FAM227B: variants seen among roughly 807,000 people sequenced by gnomAD.
The protein encoded by FAM227B is protein FAM227B.
In FAM227B, 88 loss-of-function variants were observed where a neutral mutation model predicts 73.8. The observed-to-expected ratio is 1.19, with a 90% CI of 1.00 to 1.42. The LOEUF (loss-of-function observed/expected upper bound fraction) is 1.42. Ranked by LOEUF, FAM227B falls within the 40% of genes most tolerant of loss-of-function variation. The pLI is 0.00. For missense variants in FAM227B, 632 were observed against 590.9 expected (o/e 1.07, Z -0.72); for synonymous variants, 210 against 190.5 (o/e 1.10, Z -0.84).
intron 14 of FAM227B, chr15:49,334,386 T>G: frequency 1.3e-5 from 3 of 238,556 alleles, no homozygotes; most frequent in Non-Finnish European, 2.0e-5. Flanking sequence ...ATACACGTGT[T>G]AGTAAAAGCC....
At chr15:49,402,892 T>C (rs990611942) in intron 11 of FAM227B, among the ~76,000 whole-genome samples, 1 of 152,198 alleles carries the variant, frequency 6.6e-6, no homozygotes, top group African/African-American at 2.4e-5. Context: ...CTTTTGTCCA[T>C]TCAGTATGAT....
chr15:49,548,474 A>G (rs1184965289), intron 9 of FAM227B, among the ~76,000 whole-genome samples: 1 of 152,052 alleles, frequency 6.6e-6, no homozygotes, highest in Non-Finnish European at 1.5e-5. Flanking sequence ...ACTGGTCTGT[A>G]GTTTTCTTTT....
At chr15:49,615,414 C>T (rs181839400) in intron 1 of FAM227B, among the ~76,000 whole-genome samples, 171 bp from the exon 2 acceptor site, 8 of 152,224 alleles carry the variant, frequency 5.3e-5, no homozygotes, top group Admixed American at 5.2e-4. Flanking sequence ...GGAGGTGGGG[C>T]CTGGTGGGAG....
Position 49,351,971 on chromosome 15 carries a change from G to A in FAM227B, c.1271+15477C>T, listed in dbSNP as rs372258060. On this transcript the variant is annotated intron_variant, in intron 13 of 15. Transcript: ENST00000299338. ...TATTATTACCTCTGTAGTTCTAGGTGTTGACTGAGCTCAGCTAGGCTGTTC... is the reference window on the plus strand; with the variant it reads ...TATTATTACCTCTGTAGTTCTAGGTATTGACTGAGCTCAGCTAGGCTGTTC... Among the ~76,000 whole-genome samples, 16 of 152,334 alleles carry A rather than the reference G, an allele frequency of 1.1e-4. No homozygotes were observed. In the South Asian group the frequency reaches 3.1e-3, roughly 30 times the overall value.
At chr15:49,392,289 G>C (rs1356022525) in intron 11 of FAM227B, among the ~76,000 whole-genome samples, 1 of 152,100 alleles carries the variant, frequency 6.6e-6, no homozygotes, top group Non-Finnish European at 1.5e-5. Flanking sequence ...GTACCTTGGA[G>C]AAGGATTGAG....
At chr15:49,481,394 C>T (rs34002493) in intron 11 of FAM227B, among the ~76,000 whole-genome samples, 38,593 of 152,040 alleles carry the variant, frequency 0.25, 5,756 homozygotes, top group Non-Finnish European at 0.35. Flanking sequence ...CATGTTATTT[C>T]CCTTTGTGCT....
intron 11 of FAM227B, among the ~76,000 whole-genome samples, chr15:49,432,868 A>G (rs2050740033): frequency 1.3e-5 from 2 of 151,656 alleles, no homozygotes. Context: ...ACAAGAAATG[A>G]TGCCCAACAG....
At chr15:49,380,398 G>A (rs1488930952) in intron 11 of FAM227B, among the ~76,000 whole-genome samples, 2 of 152,046 alleles carry the variant, frequency 1.3e-5, no homozygotes, top group Non-Finnish European at 2.9e-5. Context: ...GGTACCTAAG[G>A]TGAAGACAAA....
Position 49,572,112 on chromosome 15 carries a change from T to C in FAM227B, c.645+2899A>G, listed in dbSNP as rs530373905. Among the ~76,000 whole-genome samples the C allele has an allele frequency of 4.6e-5, 7 of 152,206 alleles. No individual in the cohort carries two copies. The South Asian group carries it at 1.2e-3, about 27-fold the overall frequency. The stretch of plus-strand genomic sequence containing the variant: ...GTATTTTACTTTTTGTTATTACTAT[T>C]GTAAACAGAATTGTTTTCTTGATTT... On this transcript the variant is annotated intron_variant, in intron 8 of 15. Coordinates refer to ENST00000299338, the MANE Select transcript of FAM227B (RefSeq NM_152647.3).
intron 11 of FAM227B, among the ~76,000 whole-genome samples, chr15:49,422,014 G>T (rs1282946352): frequency 6.6e-6 from 1 of 152,168 alleles, no homozygotes; most frequent in Non-Finnish European, 1.5e-5. Context: ...TAAAGGGACA[G>T]ATACAAAGAG....
In FAM227B at chr15:49,367,489, A is replaced by G. The variant is rs1380296844; in HGVS notation, c.1230T>C (p.Pro410=). ...TAGTGAGTTTAATCTTGGTTTTCTT[A>G]GGTGCTTTGGAAATACCAGCCAGCT... ...MHELAGISKA[P]KKTKIKLTKI... is the part of the protein sequence containing the mutation. The change falls in exon 13 of 16, where the codon CCT becomes CCC. Residue 410 remains proline, a synonymous_variant. Coordinates refer to ENST00000299338, the MANE Select transcript of FAM227B (RefSeq NM_152647.3). 27 of 1,602,454 alleles carry G rather than the reference A, an allele frequency of 1.7e-5. No individual in the cohort carries two copies. Among genetic ancestry groups the G allele is most frequent in the African/African-American group, 5.4e-5 (4 of 74,256 alleles).
intron 13 of FAM227B, among the ~76,000 whole-genome samples, chr15:49,347,214 G>A (rs190182725): frequency 2.0e-5 from 3 of 152,286 alleles, no homozygotes; most frequent in Admixed American, 1.3e-4. Context: ...AAAATTGCCA[G>A]GACTTGTATT....
chr15:49,585,026 C>A (rs966076935), intron 5 of FAM227B, among the ~76,000 whole-genome samples: 1 of 152,092 alleles, frequency 6.6e-6, no homozygotes, highest in African/African-American at 2.4e-5. Context: ...AAAAAGTGGG[C>A]GAAGGATATG....
intron 11 of FAM227B, among the ~76,000 whole-genome samples, chr15:49,500,501 A>C (rs939759488): frequency 1.3e-5 from 2 of 152,256 alleles, no homozygotes; most frequent in Non-Finnish European, 2.9e-5. Flanking sequence ...AAGCACATGA[A>C]AAGAAGCTCA....
chr15:49,355,945 TAAAG>T (rs950814745), intron 13 of FAM227B, among the ~76,000 whole-genome samples: 27 of 151,318 alleles, frequency 1.8e-4, no homozygotes, highest in African/African-American at 6.3e-4. Flanking sequence ...TCAACATTCT[TAAAG>T]AAAAGAATTT....
chr15:49,585,278 A>G lies in FAM227B; in HGVS notation c.405+2738T>C, dbSNP rs903373745. ...ACTAGTTCAACCATTGTGGAAGTCAATGTGGCGATTCCTCAGAGATCTAGA... is the reference window on the plus strand; with the variant it reads ...ACTAGTTCAACCATTGTGGAAGTCAGTGTGGCGATTCCTCAGAGATCTAGA... On this transcript the variant is annotated intron_variant, in intron 5 of 15. Transcript: ENST00000299338. 4.9e-4 allele frequency among the ~76,000 whole-genome samples: 74 copies of G among 152,202 alleles called. 1 individual carries two copies. The highest frequency in any genetic ancestry group is 9.0e-4 in the Non-Finnish European group (61 of 68,052).
intron 1 of FAM227B, among the ~76,000 whole-genome samples, chr15:49,618,820 T>C (rs1183643955): frequency 6.6e-6 from 1 of 152,228 alleles, no homozygotes; most frequent in East Asian, 1.9e-4. Flanking sequence ...GAATTTTCCT[T>C]TGGTGAGAAG....
chr15:49,424,224 G>T, intron 11 of FAM227B: 1 of 1,336,670 alleles, frequency 7.5e-7, no homozygotes, highest in South Asian at 1.3e-5. Context: ...AGAGGTCAAT[G>T]ACCTAGGAGT....
intron 11 of FAM227B, among the ~76,000 whole-genome samples, chr15:49,410,955 T>C (rs529129028): frequency 1.4e-5 from 2 of 147,524 alleles, no homozygotes; most frequent in South Asian, 4.5e-4. Flanking sequence ...AGAAAAAGCA[T>C]TTGAGAGTGT....
Sources: gnomAD v4.1 joint callset for allele counts (sites outside exome capture counted in the v4.1 genomes callset) on GRCh38, gnomAD v4.1.1 for gene constraint, MANE v1.5 for transcripts, NCBI Gene and HGNC (gene_info 2026-07-23, HGNC 2026-07-21) for gene names.